The following LYN variants were observed in gnomAD, a reference collection of about 807,000 sequenced individuals.
LYN encodes LYN proto-oncogene, Src family tyrosine kinase.
LYN carries 12 observed loss-of-function variants against 65.0 expected under a neutral mutation model. That is an observed-to-expected ratio of 0.18 (90% confidence interval 0.12 to 0.30). The LOEUF is 0.30. Ranked by LOEUF, LYN falls within the 10% of genes least tolerant of loss-of-function variation. The probability of loss-of-function intolerance (pLI) is 1.00; values close to 1 mark genes in which losing one functional copy is unlikely to be tolerated. For missense variants in LYN, 380 were observed against 623.2 expected, an observed-to-expected ratio of 0.61 and a Z score of 4.16; for synonymous variants, 222 against 221.2, an observed-to-expected ratio of 1.00 and a Z score of -0.03.
intron 1 of LYN, among the ~76,000 whole-genome samples, chr8:55,931,867 A>C (rs1806280578): frequency 6.6e-6 from 1 of 152,200 alleles, no homozygotes; most frequent in Non-Finnish European, 1.5e-5. Flanking sequence ...TTATTTAAAA[A>C]ACTTTATGCA....
chr8:55,939,080 G>C lies in LYN; in HGVS notation c.-5-2775G>C, dbSNP rs150242542. 2.7e-4 allele frequency among the ~76,000 whole-genome samples: 41 copies of C among 152,320 alleles called. No individual in the cohort carries two copies. The East Asian group carries it at 6.8e-3, about 25-fold the overall frequency. On this transcript the variant is annotated intron_variant, in intron 1 of 12. Coordinates refer to ENST00000519728, the MANE Select transcript of LYN (RefSeq NM_002350.4). Reference sequence around the variant, plus strand: ...TGTAACCACTCTCAGTTTTTGTCAGGAGTATATTGTATTTTCTACATTTCT... The same window carrying C: ...TGTAACCACTCTCAGTTTTTGTCAGCAGTATATTGTATTTTCTACATTTCT...
chr8:55,981,663 A>G (rs1807927652), intron 10 of LYN, among the ~76,000 whole-genome samples: 1 of 152,208 alleles, frequency 6.6e-6, no homozygotes, highest in South Asian at 2.1e-4. Context: ...GCCAGAACAC[A>G]TGCTTTTGAA....
chr8:56,009,875 G>A (rs370498424), intron 12 of LYN, 33 bp from the exon 13 acceptor site: 2 of 1,589,668 alleles, frequency 1.3e-6, no homozygotes, highest in Non-Finnish European at 1.7e-6. Context: ...AAACGGCATG[G>A]GTTTCTGTTC....
chr8:55,999,322 A>G, intron 11 of LYN, 96 bp from the exon 12 acceptor site: 1 of 1,180,476 alleles, frequency 8.5e-7, no homozygotes, highest in East Asian at 2.4e-5. Context: ...CTCCGCCTCA[A>G]AAAAAGAAAA....
chr8:55,909,993 CTTTTTT>C (rs56923750), intron 1 of LYN, among the ~76,000 whole-genome samples: 120 of 138,012 alleles, frequency 8.7e-4, no homozygotes, highest in East Asian at 1.4e-3. Context: ...GTGTGTGTGT[CTTTTTT>C]TTTTTTTTTT....
At chr8:56,003,367 G>C (rs1808584976) in intron 12 of LYN, among the ~76,000 whole-genome samples, 2 of 151,996 alleles carry the variant, frequency 1.3e-5, no homozygotes, top group African/African-American at 4.8e-5. Flanking sequence ...GACCTGTGTT[G>C]TTCGTTTTTA....
chr8:55,984,809 T>C (rs1221909246), intron 10 of LYN, among the ~76,000 whole-genome samples: 2 of 152,276 alleles, frequency 1.3e-5, no homozygotes, highest in East Asian at 3.8e-4. Flanking sequence ...CATAAGGCCA[T>C]TTGCCTGCAG....
intron 10 of LYN, among the ~76,000 whole-genome samples, chr8:55,977,781 C>T (rs1488401985): frequency 6.6e-6 from 1 of 151,170 alleles, no homozygotes; most frequent in Non-Finnish European, 1.5e-5. Context: ...TTAGCCAGGC[C>T]TGATGGTCGT....
chr8:55,976,326 C>CAAAA (rs35717306), intron 10 of LYN, among the ~76,000 whole-genome samples: 2 of 85,636 alleles, frequency 2.3e-5, no homozygotes, highest in African/African-American at 4.0e-5. Context: ...GACTCCATCT[C>CAAAA]AAAAAAAAAA....
At chr8:55,892,395 G>T (rs918796332) in intron 1 of LYN, among the ~76,000 whole-genome samples, 1 of 152,142 alleles carries the variant, frequency 6.6e-6, no homozygotes, top group Admixed American at 6.6e-5. Context: ...ACTCCTGCCT[G>T]GGCGACAGAG....
chr8:55,970,663 T>G (rs1021139494), intron 10 of LYN, among the ~76,000 whole-genome samples: 1 of 152,052 alleles, frequency 6.6e-6, no homozygotes, highest in African/African-American at 2.4e-5. Flanking sequence ...TACGGCCTTC[T>G]TGGGAATACG....
intron 10 of LYN, among the ~76,000 whole-genome samples, chr8:55,997,851 A>G (rs57170159): frequency 0.018 from 2,680 of 152,130 alleles, 63 homozygotes; most frequent in Middle Eastern, 0.054. Context: ...TTGGGAGGCC[A>G]AGGCGGGCGG....
chr8:55,947,679 C>A lies in LYN; in HGVS notation c.240C>A (p.Asp80Glu). ...ALYPYDGIHP[D>E]DLSFKKGEKM... ...ACCCCTATGATGGCATCCACCCGGA[C>A]GACTTGTCTTTCAAGAAAGGAGAGA... is the stretch of plus-strand genomic sequence containing the variant. The change falls in exon 4 of 13, where the codon GAC (aspartate) becomes GAA (glutamate). Residue 80 changes from aspartate to glutamate, a missense_variant. This residue lies in a region of LYN where 157 missense variants were observed against 193.2 expected (regional missense o/e 0.81). Transcript: ENST00000519728. 6.2e-7 allele frequency: 1 copy of A among 1,613,958 alleles called. No homozygotes were observed. Among genetic ancestry groups the A allele is most frequent in the Non-Finnish European group, 8.5e-7 (1 of 1,179,864 alleles).
chr8:55,907,798 C>T (rs548391134), intron 1 of LYN, among the ~76,000 whole-genome samples: 54 of 151,864 alleles, frequency 3.6e-4, no homozygotes, highest in Admixed American at 2.0e-4. Flanking sequence ...CCTGGGAGGT[C>T]GAGGCTGCAG....
At chr8:55,948,792 A>C (rs928498735) in intron 4 of LYN, among the ~76,000 whole-genome samples, 1 of 152,198 alleles carries the variant, frequency 6.6e-6, no homozygotes, top group African/African-American at 2.4e-5. Context: ...AAGACCCTTA[A>C]ACTTTATACC....
At chr8:55,902,906 C>T (rs576614323) in intron 1 of LYN, 55 of 350,834 alleles carry the variant, frequency 1.6e-4, no homozygotes, top group Middle Eastern at 1.0e-3. Context: ...TGGAGTGCAG[C>T]GGCGCAATCT....
chr8:55,922,765 C>CA (rs575010862), intron 1 of LYN, among the ~76,000 whole-genome samples: 8,960 of 136,422 alleles, frequency 0.066, 864 homozygotes, highest in African/African-American at 0.21. Context: ...GAAATTCCAT[C>CA]AAAAAAAAAA....
intron 1 of LYN, among the ~76,000 whole-genome samples, chr8:55,893,196 G>A (rs1463587419): frequency 1.3e-5 from 2 of 152,216 alleles, no homozygotes; most frequent in Non-Finnish European, 2.9e-5. Context: ...TCACACATGA[G>A]TTTGATCTGA....
chr8:55,998,296 T>C (rs927087181), intron 10 of LYN, 50 bp from the exon 11 acceptor site: 68 of 1,505,282 alleles, frequency 4.5e-5, no homozygotes, highest in Non-Finnish European at 6.0e-5. Flanking sequence ...GATGGCACTT[T>C]CCAGTCACCT....
Sources: allele counts gnomAD v4.1 joint callset (sites outside exome capture counted in the v4.1 genomes callset), GRCh38; gene constraint gnomAD v4.1.1; regional missense constraint gnomAD v4.1.1; transcripts MANE v1.5; gene names NCBI Gene and HGNC (gene_info 2026-07-23, HGNC 2026-07-21).